MKI67: variants seen among roughly 807,000 people sequenced by gnomAD.
MKI67 encodes marker of proliferation Ki-67, also known as proliferation marker protein Ki-67.
Under a neutral mutation model 233.5 loss-of-function variants are expected in MKI67, and 152 were observed. The ratio of observed to expected loss-of-function variants is 0.65; its 90% CI spans 0.57 to 0.74. MKI67 has a LOEUF of 0.74. Ranked by LOEUF, MKI67 falls within the 30% of genes least tolerant of loss-of-function variation. The pLI is 0.00. For missense variants in MKI67, 3,940 were observed against 3,885.2 expected, an observed-to-expected ratio of 1.01 and a Z score of -0.37; for synonymous variants, 1,465 against 1,418.5, an observed-to-expected ratio of 1.03 and a Z score of -0.74.
Position 128,113,540 on chromosome 10 carries a change from C to G in MKI67, c.1543G>C (p.Glu515Gln). 6.2e-7 allele frequency: 1 copy of G among 1,614,180 alleles called. No homozygotes were observed. The highest frequency in any genetic ancestry group is 1.3e-5 in the African/African-American group (1 of 75,036). The change falls in exon 8 of 15, where the codon GAA becomes CAA. Residue 515 changes from glutamate to glutamine, a missense_variant. Physicochemically the swap from Glu to Gln is conservative, Grantham distance 29 (BLOSUM62 2). Transcript: ENST00000368654. ...RVSFGGHLRP[E>Q]LFDENLPPNT... The stretch of plus-strand genomic sequence containing the variant: ...GGAGGCAAGTTTTCATCAAATAGTT[C>G]AGGTCTTAGGTGCCCACCAAAGGAC...
At chr10:128,122,814 C>T (rs528929159) in intron 4 of MKI67, 67 bp downstream of exon 4, 15 of 751,338 alleles carry the variant, frequency 2.0e-5, no homozygotes, top group African/African-American at 7.0e-5. Flanking sequence ...TGACAGTTGA[C>T]TTTGACACTA....
chr10:128,105,004 A>G lies in MKI67; in HGVS notation c.6836T>C (p.Met2279Thr). The G allele has an allele frequency of 6.2e-6, 10 of 1,611,982 alleles. No individual in the cohort carries two copies. Among genetic ancestry groups the G allele is most frequent in the Non-Finnish European group, 8.5e-6 (10 of 1,179,582 alleles). Residue 2279 changes from methionine to threonine, a missense_variant, in exon 13 of 15, where the codon ATG (methionine) becomes ACG (threonine). Transcript: ENST00000368654. ...PKPAGGDEKD[M>T]KAFMGTPVQK... ...CACTGGAGTTCCCATAAATGCTTTC[A>G]TGTCTTTCTCATCACCTCCTGCTGG...
chr10:128,108,549 C>G lies in MKI67; in HGVS notation c.3291G>C (p.Gln1097His). 1 of 1,614,208 alleles carries G rather than the reference C, an allele frequency of 6.2e-7. No individual in the cohort carries two copies. The highest frequency in any genetic ancestry group is 8.5e-7 in the Non-Finnish European group (1 of 1,180,042). Reference protein sequence around the residue: ...KWPRTPKEEAQSLEDLAGFKE... With the variant: ...KWPRTPKEEAHSLEDLAGFKE... ...TGAAGCCAGCCAGGTCTTCTAGTGA[C>G]TGGGCCTCTTCCTTAGGCGTTCTTG... Residue 1097 changes from glutamine (Q) to histidine (H), a missense_variant, in exon 13 of 15, where the codon CAG (glutamine) becomes CAC (histidine). Transcript: ENST00000368654.
Position 128,103,349 on chromosome 10 carries a change from G to GC in MKI67, c.8490_8491insG (p.Leu2831AlafsTer48). 1 of 1,614,086 alleles carries GC rather than the reference G, an allele frequency of 6.2e-7. No homozygotes were observed. Among genetic ancestry groups the GC allele is most frequent in the African/African-American group, 1.3e-5 (1 of 75,020 alleles). ...TTTGAGCTTGTTGCGGTGTCTTCTA[G>GC]TTCTGGTGATGATTTGCAGGGTATT... is the stretch of plus-strand genomic sequence containing the variant. On this transcript the variant is annotated frameshift_variant, in exon 13 of 15. Coordinates refer to ENST00000368654, the MANE Select transcript of MKI67 (RefSeq NM_002417.5). LOFTEE classifies it high-confidence loss of function.
rs61729192 is a variant in MKI67, at chr10:128,104,674, G to C, written c.7166C>G (p.Thr2389Arg). The C allele has an allele frequency of 1.3e-3, 2,122 of 1,613,942 alleles. 32 individuals carry two copies. The African/African-American group carries it at 0.024, about 19-fold the overall frequency. The change falls in exon 13 of 15, where the codon ACA becomes AGA. Residue 2389 changes from threonine (T) to arginine (R), a missense_variant. By Grantham distance (71) the Thr-to-Arg change is moderately conservative. Coordinates refer to ENST00000368654, the MANE Select transcript of MKI67 (RefSeq NM_002417.5). The stretch of plus-strand genomic sequence containing the variant: ...CTCATCACTTACTGCTGGTTTTGGT[G>C]TGTCCATGGCTTTGCCTGCTGATGG... Reference protein sequence around the residue: ...RTPSAGKAMDTPKPAVSDEKN... With the variant: ...RTPSAGKAMDRPKPAVSDEKN...
At position 128,106,951 on chromosome 10, in the gene MKI67, T is replaced by A. The variant is rs769294486; in HGVS notation, c.4889A>T (p.Lys1630Met). ...PDPDKNPASS[K>M]RRLKTSLGKV... ...CCCCAGGGATGTCTTGAGCCGTCGC[T>A]TGGAGCTTGCTGGGTTTTTGTCTGG... Residue 1630 changes from lysine to methionine, a missense_variant, in exon 13 of 15, where the codon AAG becomes ATG. Transcript: ENST00000368654. 1 of 1,614,186 alleles carries A rather than the reference T, an allele frequency of 6.2e-7. No homozygotes were observed. Among genetic ancestry groups the A allele is most frequent in the East Asian group, 2.2e-5 (1 of 44,880 alleles).
In MKI67 at chr10:128,106,014, T is replaced by G; in HGVS notation, c.5826A>C (p.Gln1942His). The G allele has an allele frequency of 1.2e-6, 2 of 1,614,138 alleles. No homozygotes were observed. Among genetic ancestry groups the G allele is most frequent in the Admixed American group, 1.7e-5 (1 of 60,012 alleles). Residue 1942 changes from glutamine (Q) to histidine (H), a missense_variant, in exon 13 of 15, where the codon CAA becomes CAC. Coordinates refer to ENST00000368654, the MANE Select transcript of MKI67 (RefSeq NM_002417.5). Reference sequence around the variant, plus strand: ...GAGCCTTGGCCTTTTCTTTAGGAGTTTGTGGCCGTCTCTTGCTGCCAGGTA... The same window carrying G: ...GAGCCTTGGCCTTTTCTTTAGGAGTGTGTGGCCGTCTCTTGCTGCCAGGTA... ...GNLPGSKRRP[Q>H]TPKEKAKALE...
At chr10:128,111,843 A>C (rs920308600) in intron 10 of MKI67, 27 bp from the exon 11 acceptor site, 2 of 1,610,694 alleles carry the variant, frequency 1.2e-6, no homozygotes, top group Middle Eastern at 1.7e-4. Flanking sequence ...GGAGGTAAAC[A>C]GGACATTAAA....
Position 128,101,586 on chromosome 10 carries a change from T to A in MKI67, c.9377A>T (p.Lys3126Met). The change falls in exon 14 of 15, where the codon AAG becomes ATG. Residue 3126 changes from lysine to methionine, a missense_variant. Coordinates refer to ENST00000368654, the MANE Select transcript of MKI67 (RefSeq NM_002417.5). ...CTGAATGTCCATCTCTGGGGAGGTCTTCATGGGCTTCTTTTCATTTCTGTT... is the reference window on the plus strand; with the variant it reads ...CTGAATGTCCATCTCTGGGGAGGTCATCATGGGCTTCTTTTCATTTCTGTT... ...EINRNEKKPM[K>M]TSPEMDIQNP... 2 of 1,614,212 alleles carry A rather than the reference T, an allele frequency of 1.2e-6. No homozygotes were observed. The highest frequency in any genetic ancestry group is 1.7e-6 in the Non-Finnish European group (2 of 1,180,046).
In MKI67 at chr10:128,108,170, G is replaced by A. The variant is rs1418478273; in HGVS notation, c.3670C>T (p.Leu1224=). 3 of 1,613,646 alleles carry A rather than the reference G, an allele frequency of 1.9e-6. No homozygotes were observed. In the African/African-American group the frequency reaches 4.0e-5, roughly 22 times the overall value. ...PKEKAQALED[L]AGFKELFQTP... is the part of the protein sequence containing the mutation. ...TGGAAGAGCTCTTTAAAGCCAGCCA[G>A]GTCTTCTAGAGCCTGGGCCTTTTCC... is the stretch of plus-strand genomic sequence containing the variant. Residue 1224 remains leucine, a synonymous_variant, in exon 13 of 15, where the codon CTG becomes TTG. Coordinates refer to ENST00000368654, the MANE Select transcript of MKI67 (RefSeq NM_002417.5).
In MKI67 at chr10:128,114,993, C is replaced by T. The variant is rs756446347; in HGVS notation, c.1415G>A (p.Gly472Glu). The T allele has an allele frequency of 6.2e-7, 1 of 1,607,922 alleles. No individual in the cohort carries two copies. The highest frequency in any genetic ancestry group is 1.1e-5 in the South Asian group (1 of 91,002). ...SKPEKLGTTA[G>E]QMCSGLPGLS... ...ACCAGGTAACCCAGAGCACATCTGT[C>T]CAGCTGTAGTGCCCAATTTCTCAGG... is the stretch of plus-strand genomic sequence containing the variant. Residue 472 changes from glycine to glutamate, a missense_variant, in exon 7 of 15, where the codon GGA becomes GAA. By Grantham distance (98) the Gly-to-Glu change is moderately conservative. Coordinates refer to ENST00000368654, the MANE Select transcript of MKI67 (RefSeq NM_002417.5).
At position 128,115,023 on chromosome 10, in the gene MKI67, C is replaced by T; in HGVS notation, c.1385G>A (p.Ser462Asn). The T allele has an allele frequency of 6.2e-7, 1 of 1,611,864 alleles. No individual in the cohort carries two copies. The highest frequency in any genetic ancestry group is 1.3e-5 in the African/African-American group (1 of 75,028). ...VERKIQKDSL[S>N]KPEKLGTTAG... The stretch of plus-strand genomic sequence containing the variant: ...TGTAGTGCCCAATTTCTCAGGCTTG[C>T]TGAGGGAATCCTTTTGGATCTTCCT... The change falls in exon 7 of 15, where the codon AGC (serine) becomes AAC (asparagine). Residue 462 changes from serine (S) to asparagine (N), a missense_variant. Transcript: ENST00000368654.
rs565725640 is a variant in MKI67, at chr10:128,124,760, C to T, written c.92+816G>A. Among the ~76,000 whole-genome samples, 69 of 152,294 alleles carry T rather than the reference C, an allele frequency of 4.5e-4. 2 individuals are homozygous for T. The highest frequency in any genetic ancestry group is 1.5e-3 in the African/African-American group (64 of 41,552). On this transcript the variant is annotated intron_variant, in intron 2 of 14. Coordinates refer to ENST00000368654, the MANE Select transcript of MKI67 (RefSeq NM_002417.5). The stretch of plus-strand genomic sequence containing the variant: ...GGCTTCCTCAGAGGTGACATTTCAC[C>T]TGATGCCTGAATGATGGAAATCACA...
intron 11 of MKI67, 21 bp downstream of exon 11, chr10:128,111,624 G>T (rs1252799489): frequency 6.4e-7 from 1 of 1,557,272 alleles, no homozygotes; most frequent in African/African-American, 1.4e-5. Flanking sequence ...AGATTTATAA[G>T]ATCTAAGACT....
chr10:128,102,987 G>C lies in MKI67; in HGVS notation c.8853C>G (p.Asp2951Glu). The C allele has an allele frequency of 6.2e-7, 1 of 1,614,202 alleles. No individual in the cohort carries two copies. The highest frequency in any genetic ancestry group is 8.5e-7 in the Non-Finnish European group (1 of 1,180,044). Residue 2951 changes from aspartate to glutamate, a missense_variant, in exon 13 of 15, where the codon GAC becomes GAG. Coordinates refer to ENST00000368654, the MANE Select transcript of MKI67 (RefSeq NM_002417.5). ...SFTSAPKQTPDSGKPLKISRR... is the reference protein window; with the variant it reads ...SFTSAPKQTPESGKPLKISRR... ...TGGATATTTTTAGAGGTTTTCCACT[G>C]TCAGGTGTTTGCTTTGGAGCGCTTG... is the stretch of plus-strand genomic sequence containing the variant.
rs1852331257 is a variant in MKI67 at position 128,101,436 on chromosome 10, T to TGCC, written c.9524_9526dup (p.Gly3175_Gln3176insArg). ...CTGCATGAGAACCTTCGCACTCTTC[T>TGCC]GCCCTCCGCTCTCCTCTGCCACCTT... On this transcript the variant is annotated inframe_insertion, in exon 14 of 15. Transcript: ENST00000368654. 3 of 1,614,250 alleles carry TGCC rather than the reference T, an allele frequency of 1.9e-6. No homozygotes were observed. The highest frequency in any genetic ancestry group is 1.3e-5 in the African/African-American group (1 of 75,066).
Position 128,115,813 on chromosome 10 carries a change from T to C in MKI67, c.595A>G (p.Ile199Val), listed in dbSNP as rs370580056. ...GAAATTTCTTTAAAATCCCCAGAAA[T>C]GGGATCAGCTGCATTTCTGCCATTA... Reference protein sequence around the residue: ...GRNGRNAADPISGDFKEISSV... With the variant: ...GRNGRNAADPVSGDFKEISSV... Residue 199 changes from isoleucine (I) to valine (V), a missense_variant, in exon 7 of 15, where the codon ATT (isoleucine) becomes GTT (valine). Coordinates refer to ENST00000368654, the MANE Select transcript of MKI67 (RefSeq NM_002417.5). The C allele has an allele frequency of 3.1e-6, 5 of 1,610,402 alleles. No individual in the cohort carries two copies. The African/African-American group carries it at 6.7e-5, about 21-fold the overall frequency.
intron 7 of MKI67, 92 bp downstream of exon 7, chr10:128,114,836 A>T: frequency 7.8e-7 from 1 of 1,276,672 alleles, no homozygotes; most frequent in Non-Finnish European, 1.1e-6. Flanking sequence ...CTCTTCCACA[A>T]AGCTAATCAC....
rs562456090 is a variant in MKI67, at chr10:128,125,686, A to AGTATAATCCGTAGGGGAAGGCCAG, written c.-43_-20dup. The AGTATAATCCGTAGGGGAAGGCCAG allele has an allele frequency of 1.7e-5, 28 of 1,606,548 alleles. No homozygotes were observed. Among genetic ancestry groups the AGTATAATCCGTAGGGGAAGGCCAG allele is most frequent in the African/African-American group, 2.7e-5 (2 of 74,760 alleles). ...GCCACATTTTCTAAACAGTAAGTTG[A>AGTATAATCCGTAGGGGAAGGCCAG]GTATAATCCGTAGGGGAAGGCCAGG... is the stretch of plus-strand genomic sequence containing the variant. On this transcript the variant is annotated 5_prime_UTR_variant, in exon 2 of 15. Coordinates refer to ENST00000368654, the MANE Select transcript of MKI67 (RefSeq NM_002417.5). The surrounding 1 kb of genome is among the most constrained non-coding windows in gnomAD (Gnocchi z 5.3).
Sources: allele counts gnomAD v4.1 joint callset (sites outside exome capture counted in the v4.1 genomes callset), GRCh38; gene constraint gnomAD v4.1.1; non-coding constraint Gnocchi (gnomAD v3.1); transcripts MANE v1.5; gene names NCBI Gene and HGNC (gene_info 2026-07-23, HGNC 2026-07-21).